The following PDE4D variants were observed in gnomAD, a reference collection of about 807,000 sequenced individuals.
PDE4D encodes phosphodiesterase 4D.
In PDE4D, 24 loss-of-function variants were observed where a neutral mutation model predicts 87.4. The ratio of observed to expected loss-of-function variants is 0.27; its 90% CI spans 0.20 to 0.39. The LOEUF is 0.39. Among genes scored for constraint, PDE4D ranks in the 10% least tolerant of loss-of-function variants. PDE4D has a pLI of 1.00. For missense variants in PDE4D, 714 were observed against 1,041.0 expected, an observed-to-expected ratio of 0.69 and a Z score of 4.32; for synonymous variants, 384 against 383.2, an observed-to-expected ratio of 1.00 and a Z score of -0.02.
rs189827424 is a variant in PDE4D at position 60,213,754 on chromosome 5, T to A, written c.-89-28067A>T. Among the ~76,000 whole-genome samples, 216 of 152,276 alleles carry A rather than the reference T, an allele frequency of 1.4e-3. 2 individuals carry two copies. The highest frequency in any genetic ancestry group is 9.2e-3 in the Admixed American group (140 of 15,298). On this transcript the variant is annotated intron_variant, in intron 1 of 16. Transcript: ENST00000502484. ...TGACAAGCCAGTCTTCCTTTATGCC[T>A]CTGTCATTGGCACCTGTCCTCCATT...
At chr5:59,024,562 G>A (rs914979621) in intron 6 of PDE4D, among the ~76,000 whole-genome samples, 4 of 152,076 alleles carry the variant, frequency 2.6e-5, no homozygotes, top group Non-Finnish European at 5.9e-5. Flanking sequence ...AGTCTGTAAT[G>A]ATGCATTCTC....
At chr5:60,109,134 A>C (rs1466857028) in intron 2 of PDE4D, among the ~76,000 whole-genome samples, 2 of 151,872 alleles carry the variant, frequency 1.3e-5, no homozygotes, top group Admixed American at 6.6e-5. Context: ...TAATATCCAG[A>C]ATCTACAATG....
chr5:60,108,080 CA>C (rs1366105005), intron 2 of PDE4D, among the ~76,000 whole-genome samples: 3 of 151,936 alleles, frequency 2.0e-5, no homozygotes, highest in Non-Finnish European at 2.9e-5. Context: ...TCCCTGTTTG[CA>C]GACGACATGA....
At chr5:59,738,072 C>A (rs912218749) in intron 1 of PDE4D, among the ~76,000 whole-genome samples, 2 of 152,110 alleles carry the variant, frequency 1.3e-5, no homozygotes, top group Admixed American at 1.3e-4. Flanking sequence ...GCAAGAGATA[C>A]TGTTTCTATG....
In PDE4D at chr5:60,065,270, C is replaced by CGTGTGT. The variant is rs10606448; in HGVS notation, c.43-76559_43-76554dup. On this transcript the variant is annotated intron_variant, in intron 2 of 16. Transcript: ENST00000502484. ...GCAAATATAGTGCAAGTGTGTGTGT[C>CGTGTGT]GTGTGTGTGTGTGTGTGTGTGTGTT... is the stretch of plus-strand genomic sequence containing the variant. 2.7e-5 allele frequency among the ~76,000 whole-genome samples: 4 copies of CGTGTGT among 148,746 alleles called. No homozygotes were observed. The Admixed American group carries it at 2.7e-4, about 10-fold the overall frequency.
rs536495101 is a variant in PDE4D at position 60,019,355 on chromosome 5, G to A, written c.43-30638C>T. Among the ~76,000 whole-genome samples the A allele has an allele frequency of 5.3e-5, 8 of 152,306 alleles. No individual in the cohort carries two copies. In the East Asian group the frequency reaches 1.5e-3, roughly 29 times the overall value. ...CACTGGCTTTAATTTAAAGTCGCCA[G>A]CTGCATTAGCCCTAAGAGTAGAGTC... On this transcript the variant is annotated intron_variant, in intron 2 of 16. Coordinates refer to the PDE4D transcript ENST00000502484.
intron 1 of PDE4D, among the ~76,000 whole-genome samples, chr5:59,252,456 C>A (rs1760139392): frequency 6.6e-6 from 1 of 152,104 alleles, no homozygotes; most frequent in African/African-American, 2.4e-5. Context: ...TTTTCCCCTC[C>A]ATGGATGCCT....
chr5:59,620,071 C>G (rs1160615005), intron 1 of PDE4D, among the ~76,000 whole-genome samples: 1 of 152,068 alleles, frequency 6.6e-6, no homozygotes, highest in Non-Finnish European at 1.5e-5. Context: ...AGGTGGGACT[C>G]AAGGTACAGG....
intron 1 of PDE4D, among the ~76,000 whole-genome samples, chr5:59,523,674 T>C (rs1812608376): frequency 6.6e-6 from 1 of 152,252 alleles, no homozygotes; most frequent in South Asian, 2.1e-4. Context: ...CTTCCTTTTG[T>C]CAAAGCAAAC....
chr5:59,771,483 A>AGAGAGAG (rs1554081452), intron 1 of PDE4D, among the ~76,000 whole-genome samples: 1 of 54,336 alleles, frequency 1.8e-5, no homozygotes, highest in South Asian at 7.3e-4. Context: ...GAAAGAAAGA[A>AGAGAGAG]AGAGAGAGAG....
intron 2 of PDE4D, among the ~76,000 whole-genome samples, chr5:60,094,888 G>A (rs543744724): frequency 3.6e-4 from 54 of 151,846 alleles, no homozygotes; most frequent in African/African-American, 1.0e-3. Context: ...TTACTTTTCC[G>A]TACATTAATA....
At chr5:59,123,037 T>G (rs1175420784) in intron 5 of PDE4D, among the ~76,000 whole-genome samples, 1 of 152,134 alleles carries the variant, frequency 6.6e-6, no homozygotes, top group Non-Finnish European at 1.5e-5. Flanking sequence ...TTTTGTTTTT[T>G]TTTTTCTTTG....
At chr5:59,071,930 C>G (rs191485458) in intron 5 of PDE4D, among the ~76,000 whole-genome samples, 149 of 152,158 alleles carry the variant, frequency 9.8e-4, no homozygotes, top group African/African-American at 3.4e-3. Flanking sequence ...CTAAGGTAAT[C>G]CCCCCGCCTT....
intron 2 of PDE4D, among the ~76,000 whole-genome samples, chr5:60,114,864 A>ATG (rs1326247460): frequency 6.6e-6 from 1 of 151,948 alleles, no homozygotes; most frequent in East Asian, 1.9e-4. Context: ...ACATATAACT[A>ATG]TGTGTGTATG....
rs532049962 is a variant in PDE4D, at chr5:60,311,877, C to T, written c.-89-126190G>A. The stretch of plus-strand genomic sequence containing the variant: ...AAGTAAAGGAATGAAGAAAATTATA[C>T]CAAGCAAGGCATGGGTTTGTATTAT... On this transcript the variant is annotated intron_variant, in intron 1 of 16. Coordinates refer to the PDE4D transcript ENST00000502484. 3.4e-4 allele frequency among the ~76,000 whole-genome samples: 52 copies of T among 152,222 alleles called. 1 individual carries two copies. In the South Asian group the frequency reaches 4.4e-3, roughly 13 times the overall value.
chr5:60,175,862 A>G (rs1339269825), intron 2 of PDE4D, among the ~76,000 whole-genome samples: 1 of 152,080 alleles, frequency 6.6e-6, no homozygotes, highest in African/African-American at 2.4e-5. Context: ...AAATCCTAGC[A>G]TATATTCCAT....
intron 1 of PDE4D, among the ~76,000 whole-genome samples, chr5:60,327,413 G>A (rs527652616): frequency 2.2e-4 from 33 of 152,178 alleles, no homozygotes; most frequent in Non-Finnish European, 3.7e-4. Context: ...TCACATGTGA[G>A]TTTTTATCTC....
intron 1 of PDE4D, chr5:59,587,040 G>T: frequency 1.0e-6 from 1 of 973,090 alleles, no homozygotes; most frequent in Admixed American, 6.2e-5. Context: ...AAAGTAGGAA[G>T]GCAATGAGTA....
At chr5:59,460,795 T>C (rs1800657586) in intron 1 of PDE4D, among the ~76,000 whole-genome samples, 1 of 152,182 alleles carries the variant, frequency 6.6e-6, no homozygotes, top group African/African-American at 2.4e-5. Flanking sequence ...GGTTTATCTG[T>C]ACCCCAACTG....
Sources: gnomAD v4.1 joint callset for allele counts (sites outside exome capture counted in the v4.1 genomes callset) on GRCh38, gnomAD v4.1.1 for gene constraint, MANE v1.5 for transcripts, NCBI Gene and HGNC (gene_info 2026-07-23, HGNC 2026-07-21) for gene names.